The following OPCML variants were observed in gnomAD, a reference collection of about 807,000 sequenced individuals.
The protein encoded by OPCML is opioid binding protein/cell adhesion molecule like, also known as opioid-binding protein/cell adhesion molecule.
Under a neutral mutation model 37.8 loss-of-function variants are expected in OPCML, and 13 were observed. The ratio of observed to expected loss-of-function variants is 0.34; its 90% confidence interval spans 0.22 to 0.55. The LOEUF is 0.55. OPCML is among the 20% of genes least tolerant of loss of function. The pLI is 0.91. For synonymous variants in OPCML, 176 were observed against 168.8 expected (o/e 1.04, Z -0.33); for missense variants, 341 against 435.6 (o/e 0.78, Z 1.93).
At chr11:132,509,557 TA>T (rs978432490) in intron 4 of OPCML, among the ~76,000 whole-genome samples, 8 of 152,158 alleles carry the variant, frequency 5.3e-5, no homozygotes, top group Admixed American at 4.6e-4. Context: ...GTGTGCAGCC[TA>T]GGGACTTGGT....
chr11:132,480,000 T>C (rs550579628), intron 4 of OPCML, among the ~76,000 whole-genome samples: 3 of 151,966 alleles, frequency 2.0e-5, no homozygotes, highest in Non-Finnish European at 1.5e-5. Context: ...TCACCAGCAA[T>C]GGAACAAAGC....
In OPCML at chr11:133,336,861, T is replaced by A. The variant is rs533231558; in HGVS notation, c.61+195403A>T. On this transcript the variant is annotated intron_variant, in intron 1 of 7. Transcript: ENST00000524381. ...TTTCTACAGATGGAAATATTTAACA[T>A]TCTCCAGAAGCTCAAGGGCAGGCTT... Among the ~76,000 whole-genome samples the A allele has an allele frequency of 2.6e-5, 4 of 152,338 alleles. No homozygotes were observed. In the East Asian group the frequency reaches 5.8e-4, roughly 22 times the overall value.
intron 4 of OPCML, among the ~76,000 whole-genome samples, chr11:132,488,260 C>T (rs185709653): frequency 6.6e-6 from 1 of 152,280 alleles, no homozygotes; most frequent in Non-Finnish European, 1.5e-5. Context: ...ACTGAAATAC[C>T]ATACTACAGT....
intron 4 of OPCML, among the ~76,000 whole-genome samples, chr11:132,501,963 G>C (rs2096246586): frequency 6.6e-6 from 1 of 152,162 alleles, no homozygotes; most frequent in African/African-American, 2.4e-5. Context: ...AGAAAAGCAA[G>C]ATCTAAAAGA....
intron 1 of OPCML, among the ~76,000 whole-genome samples, chr11:133,080,400 G>A (rs1027822915): frequency 2.0e-5 from 3 of 151,588 alleles, no homozygotes; most frequent in African/African-American, 7.3e-5. Context: ...TAAGAGGGAA[G>A]ATGAAGTAGA....
chr11:132,429,371 T>C (rs1348129187), intron 7 of OPCML, among the ~76,000 whole-genome samples: 1 of 152,180 alleles, frequency 6.6e-6, no homozygotes, highest in East Asian at 1.9e-4. Flanking sequence ...ATATCACAAT[T>C]GTCCATGTGA....
At chr11:132,511,701 G>GA (rs938511317) in intron 4 of OPCML, among the ~76,000 whole-genome samples, 5 of 151,640 alleles carry the variant, frequency 3.3e-5, no homozygotes, top group East Asian at 3.9e-4. Flanking sequence ...GAGCTGTATG[G>GA]AAAAAAAATG....
At chr11:133,125,018 C>T (rs1016220035) in intron 1 of OPCML, among the ~76,000 whole-genome samples, 3 of 152,050 alleles carry the variant, frequency 2.0e-5, no homozygotes, top group Non-Finnish European at 1.5e-5. Flanking sequence ...CAAATAAGGA[C>T]AAAAAGCCCC....
At position 132,747,969 on chromosome 11, in the gene OPCML, G is replaced by A. The variant is rs564738873; in HGVS notation, c.147-90650C>T. ...ATTGAGTAAGCAAGTGCTTAAAAGA[G>A]TTTGTGTCATCCTACACCAAATCCT... On this transcript the variant is annotated intron_variant, in intron 2 of 7. Transcript: ENST00000524381. 3.3e-5 allele frequency among the ~76,000 whole-genome samples: 5 copies of A among 151,798 alleles called. No individual in the cohort carries two copies. In the South Asian group the frequency reaches 6.3e-4, roughly 19 times the overall value.
At chr11:132,918,230 A>C (rs1222979941) in intron 2 of OPCML, among the ~76,000 whole-genome samples, 4 of 152,220 alleles carry the variant, frequency 2.6e-5, no homozygotes, top group African/African-American at 4.8e-5. Context: ...ATTGAGGAAT[A>C]ACATTCATAA....
chr11:132,734,572 G>A (rs1444122706), intron 2 of OPCML, among the ~76,000 whole-genome samples: 1 of 152,174 alleles, frequency 6.6e-6, no homozygotes, highest in Non-Finnish European at 1.5e-5. Flanking sequence ...CATCATGACA[G>A]CATCTTCATG....
At chr11:132,668,820 T>C (rs1042013650) in intron 2 of OPCML, among the ~76,000 whole-genome samples, 2 of 152,190 alleles carry the variant, frequency 1.3e-5, no homozygotes, top group East Asian at 3.9e-4. Flanking sequence ...TACCTATAGA[T>C]TCTCGTACTT....
chr11:133,233,208 T>C (rs954485401), intron 1 of OPCML, among the ~76,000 whole-genome samples: 8 of 152,180 alleles, frequency 5.3e-5, no homozygotes, highest in Non-Finnish European at 1.2e-4. Flanking sequence ...GGGGAGAAGA[T>C]GCAACTGCAC....
chr11:132,657,386 A>G, intron 2 of OPCML, 67 bp from the exon 3 acceptor site: 1 of 1,550,650 alleles, frequency 6.4e-7, no homozygotes, highest in South Asian at 1.2e-5. Context: ...AGATTATATA[A>G]TATGGTAAAT....
chr11:133,249,279 A>C, intron 1 of OPCML, among the ~76,000 whole-genome samples: 1 of 152,276 alleles, frequency 6.6e-6, no homozygotes, highest in South Asian at 2.1e-4. Context: ...TAGGCATCCC[A>C]TGGTGAGAGA....
chr11:133,086,165 C>T (rs1297428007), intron 1 of OPCML, among the ~76,000 whole-genome samples: 1 of 152,218 alleles, frequency 6.6e-6, no homozygotes, highest in Non-Finnish European at 1.5e-5. Flanking sequence ...CTTATTCCAT[C>T]TGCCTTGCTC....
intron 1 of OPCML, among the ~76,000 whole-genome samples, chr11:133,002,788 G>A (rs921835987): frequency 7.4e-6 from 1 of 135,904 alleles, no homozygotes; most frequent in Admixed American, 7.3e-5. Context: ...AGGGGGGGGT[G>A]GGAAGAGAAG....
intron 2 of OPCML, among the ~76,000 whole-genome samples, chr11:132,809,429 T>G (rs1939201957): frequency 6.6e-6 from 1 of 152,212 alleles, no homozygotes. Context: ...CTGTGCTTTG[T>G]GCCAGGCCAA....
At chr11:133,026,180 A>AT in intron 1 of OPCML, 1 of 810,354 alleles carries the variant, frequency 1.2e-6, no homozygotes, top group Non-Finnish European at 1.5e-6. Context: ...AGCCTTAATC[A>AT]CGATGAAGCT....
Sources: gnomAD v4.1 joint callset for allele counts (sites outside exome capture counted in the v4.1 genomes callset) on GRCh38, gnomAD v4.1.1 for gene constraint, MANE v1.5 for transcripts, NCBI Gene and HGNC (gene_info 2026-07-23, HGNC 2026-07-21) for gene names.